The following CHADL variants were observed in gnomAD, a reference collection of about 807,000 sequenced individuals.
CHADL encodes the protein chondroadherin-like protein.
In CHADL, 48 loss-of-function variants were observed where a neutral mutation model predicts 52.1. The observed-to-expected ratio is 0.92, with a 90% CI of 0.73 to 1.17. CHADL has a LOEUF of 1.17. CHADL is among the 50% of genes most tolerant of loss of function. The probability of loss-of-function intolerance (pLI) is 0.00; values close to 1 mark genes in which losing one functional copy is unlikely to be tolerated. For synonymous variants in CHADL, 498 were observed against 511.2 expected (o/e 0.97, Z 0.35); for missense variants, 977 against 1,035.1 (o/e 0.94, Z 0.77).
intron 5 of CHADL, chr22:41,230,140 C>T (rs760482910): frequency 3.8e-6 from 5 of 1,299,120 alleles, no homozygotes; most frequent in South Asian, 3.5e-5. Context: ...CCTCTTCAGT[C>T]ATTGCTGTGC....
chr22:41,238,737 A>G lies in CHADL; in HGVS notation c.335T>C (p.Leu112Pro). 4 of 1,548,636 alleles carry G rather than the reference A, an allele frequency of 2.6e-6. No homozygotes were observed. The highest frequency in any genetic ancestry group is 3.5e-6 in the Non-Finnish European group (4 of 1,146,648). ...AEGAFRGLGR[L>P]LLLNLASNHL... ...GTTGGAGGCCAGGTTGAGCAGGAGC[A>G]GGCGGCCCAGGCCACGGAAGGCGCC... The change falls in exon 3 of 6, where the codon CTG becomes CCG. Residue 112 changes from leucine to proline, a missense_variant. Coordinates refer to ENST00000216241, the MANE Select transcript of CHADL (RefSeq NM_138481.2). This position sits in a 1 kb window ranked among gnomAD's most constrained non-coding sequence, Gnocchi z 4.9.
chr22:41,236,428 C>T (rs1441037910), intron 4 of CHADL, 56 bp downstream of exon 4: 25 of 1,481,106 alleles, frequency 1.7e-5, no homozygotes, highest in Non-Finnish European at 2.1e-5. Context: ...ATGACAGGGG[C>T]TTGACTGAGA....
In CHADL at chr22:41,237,306, A is replaced by C; in HGVS notation, c.1766T>G (p.Leu589Trp). ...NQLREVPTGA[L>W]EGLPALLELQ... ...CTCCAGGAGGGCAGGCAGCCCCTCC[A>C]AGGCCCCAGTGGGCACCTCTCGCAG... Residue 589 changes from leucine to tryptophan, a missense_variant, in exon 3 of 6, where the codon TTG (leucine) becomes TGG (tryptophan). Leu to Trp is a moderately conservative substitution (Grantham distance 61). Transcript: ENST00000216241. 6.4e-7 allele frequency: 1 copy of C among 1,550,628 alleles called. No individual in the cohort carries two copies.
At chr22:41,232,134 C>T (rs913031546) in intron 5 of CHADL, among the ~76,000 whole-genome samples, 16 of 151,614 alleles carry the variant, frequency 1.1e-4, no homozygotes, top group Non-Finnish European at 1.6e-4. Flanking sequence ...AGATCGAGAC[C>T]ATCCTGGCTA....
chr22:41,232,318 C>T (rs940856867), intron 5 of CHADL, among the ~76,000 whole-genome samples: 10 of 145,662 alleles, frequency 6.9e-5, no homozygotes, highest in Admixed American at 1.4e-4. Flanking sequence ...AGCAACAGAG[C>T]GAGACTCTGT....
chr22:41,237,139 C>A, intron 3 of CHADL, 37 bp downstream of exon 3: 1 of 1,501,446 alleles, frequency 6.7e-7, no homozygotes, highest in Admixed American at 2.1e-5. Context: ...CCTTGTGCCG[C>A]CTCCTGCACC....
At position 41,238,783 on chromosome 22, in the gene CHADL, C is replaced by T. The variant is rs2032805775; in HGVS notation, c.289G>A (p.Glu97Lys). Reference sequence around the variant, plus strand: ...GCGCCCTCGGCCACCAGCTCCACCTCGCAGTGGCGCAGGTCCAGGTGTGTG... The same window carrying T: ...GCGCCCTCGGCCACCAGCTCCACCTTGCAGTGGCGCAGGTCCAGGTGTGTG... ...HLTHLDLRHCEVELVAEGAFR... is the reference protein window; with the variant it reads ...HLTHLDLRHCKVELVAEGAFR... Residue 97 changes from glutamate to lysine, a missense_variant, in exon 3 of 6, where the codon GAG becomes AAG. Glu to Lys is a moderately conservative substitution (Grantham distance 56). Coordinates refer to ENST00000216241, the MANE Select transcript of CHADL (RefSeq NM_138481.2). The surrounding 1 kb of genome is among the most constrained non-coding windows in gnomAD (Gnocchi z 4.9). 3 of 1,549,690 alleles carry T rather than the reference C, an allele frequency of 1.9e-6. No individual in the cohort carries two copies. The highest frequency in any genetic ancestry group is 2.7e-5 in the African/African-American group (2 of 73,178).
rs2032827995 is a variant in CHADL, at chr22:41,239,766, G to C, written c.9-146C>G. 5 of 677,596 alleles carry C rather than the reference G, an allele frequency of 7.4e-6. 1 individual carries two copies. The highest frequency in any genetic ancestry group is 1.9e-5 in the African/African-American group (1 of 53,712). 42.0% of individuals were successfully genotyped at this position (677,596 alleles called of 1,614,324 possible). A position where few individuals can be genotyped will look rare whatever the true frequency, so the allele number is the denominator to read the frequency against. The stretch of plus-strand genomic sequence containing the variant: ...CCCAGGAAAGTGCCAATCACCCTGA[G>C]CCTCCCTGCCCCCCACCCCCCACGC... On this transcript the variant is annotated intron_variant, in intron 1 of 5. Coordinates refer to ENST00000216241, the MANE Select transcript of CHADL (RefSeq NM_138481.2).
intron 4 of CHADL, among the ~76,000 whole-genome samples, chr22:41,235,587 A>G (rs2032726028): frequency 6.6e-6 from 1 of 152,192 alleles, no homozygotes; most frequent in African/African-American, 2.4e-5. Flanking sequence ...TTGGCGGCTC[A>G]CCAATTATGT....
intron 1 of CHADL, among the ~76,000 whole-genome samples, chr22:41,240,268 T>C (rs2032838000): frequency 6.6e-6 from 1 of 152,170 alleles, no homozygotes; most frequent in African/African-American, 2.4e-5. Context: ...TTTAATTACT[T>C]CTGGTAGAGA....
At chr22:41,232,155 A>G (rs549546436) in intron 5 of CHADL, among the ~76,000 whole-genome samples, 2 of 152,000 alleles carry the variant, frequency 1.3e-5, no homozygotes, top group East Asian at 1.9e-4. Context: ...ACACGATGAA[A>G]CCCTGTCTCT....
At chr22:41,233,621 C>T (rs1309882280) in intron 5 of CHADL, among the ~76,000 whole-genome samples, 1 of 152,176 alleles carries the variant, frequency 6.6e-6, no homozygotes, top group Non-Finnish European at 1.5e-5. Flanking sequence ...GCAAGGGGGA[C>T]CCTTCCACTA....
At chr22:41,232,028 T>C (rs1305411713) in intron 5 of CHADL, among the ~76,000 whole-genome samples, 1 of 152,242 alleles carries the variant, frequency 6.6e-6, no homozygotes. Context: ...TTTAGTCGTT[T>C]GGCTGCTTAA....
intron 5 of CHADL, among the ~76,000 whole-genome samples, chr22:41,232,789 C>G (rs960576736): frequency 1.3e-5 from 2 of 152,158 alleles, no homozygotes; most frequent in Non-Finnish European, 2.9e-5. Flanking sequence ...AGAGCTTCCA[C>G]TCCTGAACCC....
intron 5 of CHADL, 39 bp downstream of exon 5, chr22:41,235,106 C>G: frequency 6.5e-7 from 1 of 1,542,432 alleles, no homozygotes; most frequent in Non-Finnish European, 8.8e-7. Context: ...CCTGGCCCAC[C>G]ACCCACCAAG....
intron 5 of CHADL, chr22:41,230,568 C>G (rs111756002): frequency 8.1e-6 from 3 of 369,336 alleles, no homozygotes; most frequent in South Asian, 3.1e-5. Flanking sequence ...TGGCCTCCCC[C>G]CGACCCGCCA....
chr22:41,236,660 G>A lies in CHADL; in HGVS notation c.1897-10C>T, dbSNP rs923276463. The A allele has an allele frequency of 3.2e-6, 5 of 1,545,192 alleles. No homozygotes were observed. In the African/African-American group the frequency reaches 4.1e-5, roughly 13 times the overall value. On this transcript the variant is annotated splice_polypyrimidine_tract_variant and intron_variant, in intron 3 of 5. Transcript: ENST00000216241. ...AGGCCCCAGGACAAATCTGCAAGGA[G>A]TTGCCAGGCCCCAATGTGAGCTCCT...
At chr22:41,230,148 T>C (rs763980230) in intron 5 of CHADL, 1 of 1,537,732 alleles carries the variant, frequency 6.5e-7, no homozygotes, top group East Asian at 2.6e-5. Flanking sequence ...GTCATTGCTG[T>C]GCGTGTGAAG....
At chr22:41,236,363 C>T (rs560772544) in intron 4 of CHADL, 121 bp downstream of exon 4, 40 of 862,250 alleles carry the variant, frequency 4.6e-5, no homozygotes, top group African/African-American at 4.4e-4. Context: ...TCTCACAGGA[C>T]CCGCCCCTCC....
Sources: gnomAD v4.1 joint callset for allele counts (sites outside exome capture counted in the v4.1 genomes callset) on GRCh38, gnomAD v4.1.1 for gene constraint, Gnocchi (gnomAD v3.1) non-coding constraint, MANE v1.5 for transcripts, NCBI Gene and HGNC (gene_info 2026-07-23, HGNC 2026-07-21) for gene names.